Variants in GYPC observed in about 807,000 individuals in gnomAD.
The protein encoded by GYPC is glycophorin-C.
GYPC carries 14 observed loss-of-function variants against 12.6 expected under a neutral mutation model. That is an observed-to-expected ratio of 1.11 (90% CI 0.74 to 1.74). GYPC has a LOEUF of 1.74. Among genes scored for constraint, GYPC ranks in the 40% most tolerant of loss-of-function variants. GYPC has a pLI of 0.00. For synonymous variants in GYPC, 78 were observed against 62.1 expected (o/e 1.26, Z -1.20); for missense variants, 225 against 172.1 (o/e 1.31, Z -1.72).
intron 1 of GYPC, among the ~76,000 whole-genome samples, chr2:126,685,431 T>A (rs1156545947): frequency 2.6e-5 from 4 of 151,766 alleles, no homozygotes; most frequent in Non-Finnish European, 4.4e-5. Context: ...GTCGCCCAGG[T>A]TGGAGTGCAA....
rs539158515 is a variant in GYPC, at chr2:126,656,177, A to T, written c.-87A>T. The T allele has an allele frequency of 6.6e-7, 1 of 1,522,958 alleles. No homozygotes were observed. Among genetic ancestry groups the T allele is most frequent in the Non-Finnish European group, 8.8e-7 (1 of 1,133,742 alleles). 94.3% of individuals were successfully genotyped at this position (1,522,958 alleles called of 1,614,324 possible). On this transcript the variant is annotated 5_prime_UTR_variant, in exon 1 of 4. Coordinates refer to ENST00000259254, the MANE Select transcript of GYPC (RefSeq NM_002101.5). ...CCGCTTCCTCTCGCCGCCGAGGGTC[A>T]GGAGCCCGGGAGCGCGACCCTCCCC...
At chr2:126,681,212 T>C (rs1683141568) in intron 1 of GYPC, among the ~76,000 whole-genome samples, 1 of 152,190 alleles carries the variant, frequency 6.6e-6, no homozygotes, top group Admixed American at 6.5e-5. Context: ...TTTAAGGTTT[T>C]TGTGGAATAT....
chr2:126,667,121 T>C (rs1407265969), intron 1 of GYPC, among the ~76,000 whole-genome samples: 1 of 152,206 alleles, frequency 6.6e-6, no homozygotes, highest in Non-Finnish European at 1.5e-5. Context: ...CTCAAGGTCA[T>C]TGTAGCCATC....
At chr2:126,660,967 C>A (rs1180171515) in intron 1 of GYPC, among the ~76,000 whole-genome samples, 1 of 152,202 alleles carries the variant, frequency 6.6e-6, no homozygotes, top group Admixed American at 6.5e-5. Context: ...TTCTTCAGAT[C>A]CTTACATAAT....
chr2:126,673,015 G>A (rs143916609), intron 1 of GYPC, among the ~76,000 whole-genome samples: 1 of 152,026 alleles, frequency 6.6e-6, no homozygotes, highest in Non-Finnish European at 1.5e-5. Context: ...CACCCAGAAG[G>A]CAAGTCACAC....
At position 126,674,973 on chromosome 2, in the gene GYPC, T is replaced by G. The variant is rs189501329; in HGVS notation, c.50-15282T>G. 1.3e-3 allele frequency among the ~76,000 whole-genome samples: 195 copies of G among 152,344 alleles called. 1 individual carries two copies. The highest frequency in any genetic ancestry group is 4.4e-4 in the Non-Finnish European group (30 of 68,034). ...TTTCATTTTTTATCTGAAAGTCAGA[T>G]TTCACTGGCTTCCTGTATTGTGTCT... On this transcript the variant is annotated intron_variant, in intron 1 of 3. Coordinates refer to ENST00000259254, the MANE Select transcript of GYPC (RefSeq NM_002101.5).
At chr2:126,680,847 C>T (rs1303083157) in intron 1 of GYPC, among the ~76,000 whole-genome samples, 2 of 152,208 alleles carry the variant, frequency 1.3e-5, no homozygotes, top group African/African-American at 4.8e-5. Flanking sequence ...GAGGGCCATT[C>T]AGAGAGGGTG....
intron 2 of GYPC, among the ~76,000 whole-genome samples, chr2:126,690,937 A>C (rs1426436055): frequency 6.6e-6 from 1 of 152,032 alleles, no homozygotes; most frequent in Non-Finnish European, 1.5e-5. Context: ...CTCAGGAAAC[A>C]TCTACAATTT....
rs867592043 is a variant in GYPC at position 126,672,812 on chromosome 2, G to A, written c.49+16500G>A. 3.9e-5 allele frequency among the ~76,000 whole-genome samples: 6 copies of A among 152,248 alleles called. No homozygotes were observed. In the Middle Eastern group the frequency reaches 0.01, roughly 259 times the overall value. On this transcript the variant is annotated intron_variant, in intron 1 of 3. Coordinates refer to ENST00000259254, the MANE Select transcript of GYPC (RefSeq NM_002101.5). ...CACCTAACCTGGGGGAGGAAGGCCAGGAACCACACTCAGCCCCACCCACAC... is the reference window on the plus strand; with the variant it reads ...CACCTAACCTGGGGGAGGAAGGCCAAGAACCACACTCAGCCCCACCCACAC...
At chr2:126,681,968 G>T (rs1239074786) in intron 1 of GYPC, among the ~76,000 whole-genome samples, 1 of 152,230 alleles carries the variant, frequency 6.6e-6, no homozygotes, top group Non-Finnish European at 1.5e-5. Flanking sequence ...TGGCAGATGG[G>T]TGACCCCAGG....
At chr2:126,657,179 G>C (rs527667797) in intron 1 of GYPC, among the ~76,000 whole-genome samples, 30 of 152,178 alleles carry the variant, frequency 2.0e-4, no homozygotes, top group African/African-American at 7.2e-4. Flanking sequence ...TGAAATCCAG[G>C]GGGTTGTGAG....
At chr2:126,666,396 GT>G (rs1682678916) in intron 1 of GYPC, among the ~76,000 whole-genome samples, 4 of 152,214 alleles carry the variant, frequency 2.6e-5, no homozygotes, top group Admixed American at 1.3e-4. Flanking sequence ...TGCAATTTCT[GT>G]TACACTTTGC....
At chr2:126,685,978 G>C in intron 1 of GYPC, 7 of 985,384 alleles carry the variant, frequency 7.1e-6, no homozygotes, top group Non-Finnish European at 8.4e-6. Flanking sequence ...CCCTGTGCCT[G>C]AATTCTTCCT....
intron 1 of GYPC, among the ~76,000 whole-genome samples, chr2:126,675,989 A>G (rs1430676656): frequency 6.6e-6 from 1 of 152,228 alleles, no homozygotes; most frequent in African/African-American, 2.4e-5. Context: ...GAAACCATCT[A>G]TACTTGAAAA....
intron 1 of GYPC, among the ~76,000 whole-genome samples, chr2:126,688,493 G>A (rs1683354993): frequency 6.6e-6 from 1 of 152,182 alleles, no homozygotes. Context: ...CTGTAATAAA[G>A]TCTAGCACCC....
intron 1 of GYPC, among the ~76,000 whole-genome samples, chr2:126,680,965 C>T (rs1178879679): frequency 3.3e-5 from 5 of 152,134 alleles, no homozygotes; most frequent in Non-Finnish European, 5.9e-5. Context: ...CAGGTCAGGG[C>T]GGCGGGAAGG....
intron 1 of GYPC, among the ~76,000 whole-genome samples, chr2:126,665,270 A>AGT (rs1357254600): frequency 6.6e-6 from 1 of 152,084 alleles, no homozygotes; most frequent in African/African-American, 2.4e-5. Context: ...AGAGAGAGAG[A>AGT]CTAGTTCATA....
At chr2:126,668,689 C>T (rs1201597093) in intron 1 of GYPC, among the ~76,000 whole-genome samples, 1 of 152,222 alleles carries the variant, frequency 6.6e-6, no homozygotes, top group African/African-American at 2.4e-5. Context: ...GAGAGCAATT[C>T]ATCCGCAAGC....
At chr2:126,674,253 G>A (rs1390024786) in intron 1 of GYPC, among the ~76,000 whole-genome samples, 1 of 152,192 alleles carries the variant, frequency 6.6e-6, no homozygotes, top group Non-Finnish European at 1.5e-5. Flanking sequence ...GTACCTGGTG[G>A]GCCTGTGCTG....
Sources: allele counts gnomAD v4.1 joint callset (sites outside exome capture counted in the v4.1 genomes callset), GRCh38; gene constraint gnomAD v4.1.1; transcripts MANE v1.5; gene names NCBI Gene and HGNC (gene_info 2026-07-23, HGNC 2026-07-21).